DNAH10: variants seen among roughly 807,000 people sequenced by gnomAD.
DNAH10 encodes axonemal beta dynein heavy chain 10.
A neutral mutation model predicts 506.6 loss-of-function variants in DNAH10; 348 were observed. The ratio of observed to expected loss-of-function variants is 0.69; its 90% CI spans 0.63 to 0.75. The LOEUF is 0.75. DNAH10 is among the 30% of genes least tolerant of loss of function. The pLI is 0.00. For synonymous variants in DNAH10, 2,059 were observed against 2,198.6 expected (o/e 0.94, Z 1.78); for missense variants, 5,179 against 5,787.1 (o/e 0.89, Z 3.41).
intron 28 of DNAH10, among the ~76,000 whole-genome samples, chr12:123,837,036 A>G (rs1352553673): frequency 6.6e-6 from 1 of 151,128 alleles, no homozygotes; most frequent in Non-Finnish European, 1.5e-5. Context: ...TATTTTTAGT[A>G]GAGACGGGGT....
At position 123,916,837 on chromosome 12, in the gene DNAH10, C is replaced by T; in HGVS notation, c.11002+101C>T. ...TGGGACATCATTTCACTCAGTGACC[C>T]CAGATCATTCTCTCATAGGCACATC... On this transcript the variant is annotated intron_variant, in intron 63 of 78. Coordinates refer to ENST00000673944, the MANE Select transcript of DNAH10 (RefSeq NM_001372106.1). This position sits in a 1 kb window ranked among gnomAD's most constrained non-coding sequence, Gnocchi z 4.6. 1 of 1,388,796 alleles carries T rather than the reference C, an allele frequency of 7.2e-7. No homozygotes were observed. The highest frequency in any genetic ancestry group is 9.6e-7 in the Non-Finnish European group (1 of 1,038,428). 86.0% of individuals were successfully genotyped at this position (1,388,796 alleles called of 1,614,324 possible).
intron 14 of DNAH10, 32 bp downstream of exon 14, chr12:123,799,403 C>T (rs781165733): frequency 1.6e-5 from 26 of 1,598,118 alleles, no homozygotes; most frequent in Middle Eastern, 3.5e-4. Flanking sequence ...TCCCGATTGC[C>T]GCGTGAGACG....
At position 123,767,683 on chromosome 12, in the gene DNAH10, G is replaced by C; in HGVS notation, c.292G>C (p.Val98Leu). The C allele has an allele frequency of 6.2e-7, 1 of 1,610,898 alleles. No homozygotes were observed. The highest frequency in any genetic ancestry group is 8.5e-7 in the Non-Finnish European group (1 of 1,178,552). ...TCAAAAAGTGGAGTCCGTGGATAAA[G>C]TGCGAGGTGTGGAGTTGGGAGGGGT... ...YSQKVESVDKVRAKRVSLRTE... is the reference protein window; with the variant it reads ...YSQKVESVDKLRAKRVSLRTE... Residue 98 changes from valine to leucine, a missense_variant, in exon 2 of 79, where the codon GTG becomes CTG. Coordinates refer to ENST00000673944, the MANE Select transcript of DNAH10 (RefSeq NM_001372106.1).
rs189732339 is a variant in DNAH10, at chr12:123,782,724, C to T, written c.842-383C>T. ...ATCGTGCCTGGCCTGTTCTCCTTTT[C>T]TTTACATTATTTCAATTTCCCCTGA... On this transcript the variant is annotated intron_variant, in intron 6 of 78. Transcript: ENST00000673944. Among the ~76,000 whole-genome samples the T allele has an allele frequency of 4.9e-3, 740 of 152,104 alleles. 6 individuals carry two copies. Among genetic ancestry groups the T allele is most frequent in the Middle Eastern group, 0.044 (13 of 294 alleles).
chr12:123,845,974 C>T lies in DNAH10; in HGVS notation c.5634C>T (p.Ile1878=). The T allele has an allele frequency of 1.2e-6, 2 of 1,613,942 alleles. No homozygotes were observed. Among genetic ancestry groups the T allele is most frequent in the South Asian group, 2.2e-5 (2 of 91,084 alleles). The change falls in exon 32 of 79, where the codon ATC becomes ATT. Residue 1878 remains isoleucine, a synonymous_variant. Transcript: ENST00000673944. Reference sequence around the variant, plus strand: ...CTCCACCTTTCTTGCCGTCCAGTATCCTGGAGGCCCGAGAGTTTGACTGGG... The same window carrying T: ...CTCCACCTTTCTTGCCGTCCAGTATTCTGGAGGCCCGAGAGTTTGACTGGG... ...DIVDSFIRGS[I]LEAREFDWES...
intron 19 of DNAH10, among the ~76,000 whole-genome samples, chr12:123,812,440 A>G (rs570954392): frequency 3.4e-4 from 52 of 152,162 alleles, no homozygotes; most frequent in African/African-American, 1.1e-3. Context: ...GACAGAGCGA[A>G]ACTCCGTCTC....
Position 123,813,257 on chromosome 12 carries a change from A to C in DNAH10, c.3238A>C (p.Ile1080Leu), listed in dbSNP as rs533857538. The C allele has an allele frequency of 3.1e-6, 5 of 1,614,090 alleles. No individual in the cohort carries two copies. The Admixed American group carries it at 8.3e-5, about 27-fold the overall frequency. The change falls in exon 20 of 79, where the codon ATC (isoleucine) becomes CTC (leucine). Residue 1080 changes from isoleucine to leucine, a missense_variant. Coordinates refer to ENST00000673944, the MANE Select transcript of DNAH10 (RefSeq NM_001372106.1). ...EVVIINFYNDISLNPQIIEQA... is the reference protein window; with the variant it reads ...EVVIINFYNDLSLNPQIIEQA... The stretch of plus-strand genomic sequence containing the variant: ...TGTTATAATAAACTTTTACAATGAT[A>C]TCTCTCTGAACCCTCAGATAATTGA...
At chr12:123,934,420 G>A (rs1415385208) in intron 77 of DNAH10, 2 of 711,760 alleles carry the variant, frequency 2.8e-6, no homozygotes, top group Non-Finnish European at 5.0e-6. Flanking sequence ...CAGGGCCACA[G>A]GGTCTCCTGT....
chr12:123,763,970 A>G (rs1431055113), intron 1 of DNAH10, among the ~76,000 whole-genome samples: 1 of 151,484 alleles, frequency 6.6e-6, no homozygotes, highest in Non-Finnish European at 1.5e-5. Flanking sequence ...GGTTCAAGCA[A>G]TTCTCCTGAC....
intron 27 of DNAH10, among the ~76,000 whole-genome samples, chr12:123,834,406 C>A (rs1960916493): frequency 6.6e-6 from 1 of 152,106 alleles, no homozygotes; most frequent in African/African-American, 2.4e-5. Flanking sequence ...TAGGGTTTCA[C>A]CATGTTGGCC....
intron 24 of DNAH10, among the ~76,000 whole-genome samples, chr12:123,822,403 G>A (rs1486302097): frequency 1.3e-5 from 2 of 152,056 alleles, no homozygotes; most frequent in African/African-American, 4.8e-5. Flanking sequence ...GAGTCCCCAA[G>A]GGAGACTGAC....
intron 41 of DNAH10, among the ~76,000 whole-genome samples, chr12:123,866,546 A>G (rs1346839879): frequency 6.6e-6 from 1 of 152,102 alleles, no homozygotes; most frequent in Non-Finnish European, 1.5e-5. Flanking sequence ...ACACCGACAC[A>G]CTTATTTAAT....
chr12:123,905,244 A>G (rs1953722543), intron 57 of DNAH10, among the ~76,000 whole-genome samples: 1 of 152,216 alleles, frequency 6.6e-6, no homozygotes, highest in Non-Finnish European at 1.5e-5. Context: ...GCCGTAATTT[A>G]TTTAACAAGG....
chr12:123,848,383 G>A lies in DNAH10; in HGVS notation c.5949+288G>A, dbSNP rs149866781. Among the ~76,000 whole-genome samples, 1,377 of 152,316 alleles carry A rather than the reference G, an allele frequency of 9.0e-3. 6 individuals carry two copies. Among genetic ancestry groups the A allele is most frequent in the South Asian group, 0.016 (75 of 4,822 alleles). ...GAGTGGTGGGATCTGTGGCTAACTG[G>A]AGAGCAAAAGTCCATCTAAAGAGGG... On this transcript the variant is annotated intron_variant, in intron 33 of 78. Transcript: ENST00000673944.
At chr12:123,796,060 C>G (rs1285470471) in intron 12 of DNAH10, among the ~76,000 whole-genome samples, 2 of 152,104 alleles carry the variant, frequency 1.3e-5, no homozygotes, top group African/African-American at 4.8e-5. Context: ...GTGGTCATGT[C>G]TAGAACAGAT....
At chr12:123,766,069 T>C (rs79677506) in intron 1 of DNAH10, among the ~76,000 whole-genome samples, 7,903 of 151,200 alleles carry the variant, frequency 0.052, 578 homozygotes, top group African/African-American at 0.16. Context: ...TGTTTATCTG[T>C]CTATACATCT....
In DNAH10 at chr12:123,898,773, G is replaced by A; in HGVS notation, c.9599G>A (p.Cys3200Tyr). 6.2e-7 allele frequency: 1 copy of A among 1,612,786 alleles called. No homozygotes were observed. Among genetic ancestry groups the A allele is most frequent in the South Asian group, 1.1e-5 (1 of 90,758 alleles). Residue 3200 changes from cysteine to tyrosine, a missense_variant, in exon 56 of 79, where the codon TGC becomes TAC. By Grantham distance (194) the Cys-to-Tyr change is radical (BLOSUM62 -2). Around this residue, in one of 3 missense-constraint regions of DNAH10, gnomAD observed 4,844 missense variants for 5,430.5 expected, o/e 0.89. Coordinates refer to ENST00000673944, the MANE Select transcript of DNAH10 (RefSeq NM_001372106.1). ...KIVLAEKSAA[C>Y]EALLEEIAVN... ...GTGCTGGCGGAGAAGTCCGCCGCCTGCGAGGCCTTGCTGGAGGAGATCGCC... is the reference window on the plus strand; with the variant it reads ...GTGCTGGCGGAGAAGTCCGCCGCCTACGAGGCCTTGCTGGAGGAGATCGCC...
At chr12:123,777,565 C>T (rs1304839767) in intron 5 of DNAH10, among the ~76,000 whole-genome samples, 1 of 152,246 alleles carries the variant, frequency 6.6e-6, no homozygotes, top group African/African-American at 2.4e-5. Context: ...AAGACAACCT[C>T]CTTCATCGGG....
At chr12:123,932,255 C>A in intron 76 of DNAH10, 147 bp downstream of exon 76, 2 of 986,562 alleles carry the variant, frequency 2.0e-6, no homozygotes, top group Non-Finnish European at 1.5e-6. Context: ...GAGATTCTTA[C>A]AAGCCTATCT....
Sources: gnomAD v4.1 joint callset for allele counts (sites outside exome capture counted in the v4.1 genomes callset) on GRCh38, gnomAD v4.1.1 for gene constraint, gnomAD v4.1.1 regional missense constraint, Gnocchi (gnomAD v3.1) non-coding constraint, MANE v1.5 for transcripts, NCBI Gene and HGNC (gene_info 2026-07-23, HGNC 2026-07-21) for gene names.